Variants in SNTG1 observed in about 807,000 individuals in gnomAD.
The protein encoded by SNTG1 is gamma-1-syntrophin.
SNTG1 carries 39 observed loss-of-function variants against 74.7 expected under a neutral mutation model. The observed-to-expected ratio is 0.52, with a 90% confidence interval of 0.40 to 0.68. The LOEUF (loss-of-function observed/expected upper bound fraction) is 0.68. SNTG1 is among the 30% of genes least tolerant of loss of function. The pLI is 0.00. For synonymous variants in SNTG1, 254 were observed against 217.1 expected, an observed-to-expected ratio of 1.17 and a Z score of -1.49; for missense variants, 685 against 609.5, an observed-to-expected ratio of 1.12 and a Z score of -1.30.
intron 1 of SNTG1, among the ~76,000 whole-genome samples, chr8:49,990,023 C>T (rs1386770463): frequency 6.6e-6 from 1 of 151,880 alleles, no homozygotes; most frequent in Non-Finnish European, 1.5e-5. Flanking sequence ...AGTATCTTTC[C>T]TGTAAGATCA....
At chr8:50,418,659 T>A (rs2093043482) in intron 4 of SNTG1, among the ~76,000 whole-genome samples, 1 of 152,092 alleles carries the variant, frequency 6.6e-6, no homozygotes, top group South Asian at 2.1e-4. Context: ...CATTTTCAAC[T>A]TAAACATGAA....
intron 12 of SNTG1, among the ~76,000 whole-genome samples, chr8:50,584,222 G>A (rs577718913): frequency 2.0e-5 from 3 of 150,868 alleles, no homozygotes; most frequent in South Asian, 4.2e-4. Context: ...AAATAGGGCC[G>A]CAATAAATGT....
At chr8:50,031,598 C>T (rs1020472944) in intron 1 of SNTG1, among the ~76,000 whole-genome samples, 1 of 151,884 alleles carries the variant, frequency 6.6e-6, no homozygotes, top group Non-Finnish European at 1.5e-5. Flanking sequence ...ATTTGATATT[C>T]CTTCTTTAGG....
At chr8:50,428,471 CA>C (rs2093192306) in intron 4 of SNTG1, among the ~76,000 whole-genome samples, 1 of 152,096 alleles carries the variant, frequency 6.6e-6, no homozygotes, top group South Asian at 2.1e-4. Flanking sequence ...TGCATATTTG[CA>C]GAAACAAAAG....
chr8:50,241,308 T>C (rs970539272), intron 2 of SNTG1, among the ~76,000 whole-genome samples: 1 of 152,096 alleles, frequency 6.6e-6, no homozygotes. Flanking sequence ...GAGCAGAGAG[T>C]GTGAATGGCA....
intron 1 of SNTG1, among the ~76,000 whole-genome samples, chr8:49,934,423 A>G (rs1807878071): frequency 6.6e-6 from 1 of 152,082 alleles, no homozygotes; most frequent in Non-Finnish European, 1.5e-5. Flanking sequence ...AATATAATAG[A>G]ATGGTATTTT....
intron 1 of SNTG1, among the ~76,000 whole-genome samples, chr8:50,034,264 A>C (rs756215193): frequency 6.6e-6 from 1 of 152,216 alleles, no homozygotes; most frequent in African/African-American, 2.4e-5. Context: ...GCTTTAAAAC[A>C]TGCAAGAAGG....
chr8:50,686,963 G>A (rs13269918), intron 15 of SNTG1, among the ~76,000 whole-genome samples: 31,121 of 149,996 alleles, frequency 0.21, 3,288 homozygotes, highest in South Asian at 0.3. Flanking sequence ...GTGAAACCCC[G>A]TCTCTACTAA....
intron 1 of SNTG1, among the ~76,000 whole-genome samples, chr8:49,935,904 A>AT (rs1397094332): frequency 6.6e-6 from 1 of 152,170 alleles, no homozygotes; most frequent in Non-Finnish European, 1.5e-5. Context: ...TGCCTTTTCT[A>AT]TTTTTTAAAT....
At chr8:50,054,051 A>G (rs1043431360) in intron 1 of SNTG1, among the ~76,000 whole-genome samples, 5 of 152,014 alleles carry the variant, frequency 3.3e-5, no homozygotes, top group Admixed American at 6.6e-5. Flanking sequence ...TCTGGCTTTG[A>G]TCCTCTTACT....
intron 2 of SNTG1, among the ~76,000 whole-genome samples, chr8:50,301,800 A>T (rs989498120): frequency 7.9e-5 from 12 of 151,466 alleles, no homozygotes; most frequent in African/African-American, 2.9e-4. Context: ...GCCCTGAAAC[A>T]TGTATTTATT....
At chr8:50,081,640 T>C (rs1409150873) in intron 1 of SNTG1, among the ~76,000 whole-genome samples, 3 of 152,042 alleles carry the variant, frequency 2.0e-5, no homozygotes, top group Non-Finnish European at 4.4e-5. Flanking sequence ...TTTGTTTTTG[T>C]TTGGTATTTT....
rs1192225041 is a variant in SNTG1, at chr8:49,916,205, AC to A, written c.-103+3975del. Among the ~76,000 whole-genome samples, 427 of 151,972 alleles carry A rather than the reference AC, an allele frequency of 2.8e-3. 5 individuals are homozygous for A. Among genetic ancestry groups the A allele is most frequent in the Non-Finnish European group, 3.0e-3 (201 of 67,964 alleles). On this transcript the variant is annotated intron_variant, in intron 1 of 18. Transcript: ENST00000642720. Reference sequence around the variant, plus strand: ...TTTTTTGTCAAATACACACACACACACACAAAAACCCAGAAACAGTCAAAAA... The same window carrying A: ...TTTTTTGTCAAATACACACACACACAACAAAAACCCAGAAACAGTCAAAAA...
chr8:50,718,564 C>T (rs2095480223), intron 17 of SNTG1, among the ~76,000 whole-genome samples: 1 of 152,080 alleles, frequency 6.6e-6, no homozygotes, highest in Non-Finnish European at 1.5e-5. Flanking sequence ...GAGGTTAGCC[C>T]AGGCATGTCC....
intron 13 of SNTG1, among the ~76,000 whole-genome samples, chr8:50,628,608 T>C (rs2094973796): frequency 6.6e-6 from 1 of 152,186 alleles, no homozygotes; most frequent in Non-Finnish European, 1.5e-5. Flanking sequence ...ATTCTTGTTG[T>C]ACCTTTCAAT....
At chr8:50,725,628 G>A (rs924440731) in intron 17 of SNTG1, among the ~76,000 whole-genome samples, 19 of 151,968 alleles carry the variant, frequency 1.3e-4, no homozygotes, top group African/African-American at 3.1e-4. Context: ...TCACCGCCCC[G>A]TTGAAAGATT....
intron 12 of SNTG1, among the ~76,000 whole-genome samples, chr8:50,589,284 A>T (rs537281163): frequency 6.6e-6 from 1 of 152,176 alleles, no homozygotes; most frequent in East Asian, 1.9e-4. Flanking sequence ...AAAAATTATA[A>T]TATAACAATT....
intron 1 of SNTG1, among the ~76,000 whole-genome samples, chr8:50,098,804 T>C (rs2080023213): frequency 6.6e-6 from 1 of 152,186 alleles, no homozygotes; most frequent in Admixed American, 6.5e-5. Flanking sequence ...ATTTATTCCT[T>C]AGGCAGGCAA....
intron 1 of SNTG1, among the ~76,000 whole-genome samples, chr8:50,085,776 A>T (rs1268203205): frequency 2.0e-5 from 3 of 152,126 alleles, no homozygotes; most frequent in Non-Finnish European, 4.4e-5. Context: ...ATCTTTGGGA[A>T]CTCCACATGC....
Sources: gnomAD v4.1 joint callset for allele counts (sites outside exome capture counted in the v4.1 genomes callset) on GRCh38, gnomAD v4.1.1 for gene constraint, MANE v1.5 for transcripts, NCBI Gene and HGNC (gene_info 2026-07-23, HGNC 2026-07-21) for gene names.